The following SULF1 variants were observed in gnomAD, a reference collection of about 807,000 sequenced individuals.
SULF1 encodes the protein sulfatase 1, also known as extracellular sulfatase Sulf-1.
In SULF1, 46 loss-of-function variants were observed where a neutral mutation model predicts 110.5. The observed-to-expected ratio is 0.42, with a 90% CI of 0.33 to 0.53. SULF1 has a LOEUF of 0.53. SULF1 is among the 20% of genes least tolerant of loss of function. SULF1 has a pLI of 0.12. For synonymous variants in SULF1, 371 were observed against 387.1 expected (o/e 0.96, Z 0.49); for missense variants, 941 against 1,094.2 (o/e 0.86, Z 1.98).
intron 13 of SULF1, among the ~76,000 whole-genome samples, chr8:69,606,509 C>A (rs536063602): frequency 1.3e-5 from 2 of 152,260 alleles, no homozygotes; most frequent in East Asian, 3.9e-4. Flanking sequence ...ATATCTCATG[C>A]AAATTGGTGA....
chr8:69,592,319 T>G (rs1806965489), intron 8 of SULF1, among the ~76,000 whole-genome samples: 1 of 152,108 alleles, frequency 6.6e-6, no homozygotes, highest in African/African-American at 2.4e-5. Context: ...AGGGTGTCAG[T>G]GAGTTTGTAT....
Position 69,603,309 on chromosome 8 carries a change from G to A in SULF1, c.1179G>A (p.Lys393=), listed in dbSNP as rs1045219195. Residue 393 remains lysine, a synonymous_variant, in exon 11 of 23, where the codon AAG becomes AAA. Transcript: ENST00000402687. ...TCCTCAAACTTCTGGACCCAGAAAA[G>A]CCAGGTAACAGGTGTGTCATTGTTC... is the stretch of plus-strand genomic sequence containing the variant. The part of the protein sequence containing the change: ...KSVLKLLDPE[K]PGNRFRTNKK... 8.7e-6 allele frequency: 14 copies of A among 1,613,990 alleles called. No individual in the cohort carries two copies. Among genetic ancestry groups the A allele is most frequent in the Non-Finnish European group, 1.1e-5 (13 of 1,180,032 alleles).
intron 3 of SULF1, among the ~76,000 whole-genome samples, chr8:69,531,228 G>T (rs569859870): frequency 6.6e-6 from 1 of 152,162 alleles, no homozygotes; most frequent in African/African-American, 2.4e-5. Flanking sequence ...GTCCCTTGTT[G>T]CTTTGGAACA....
chr8:69,627,491 A>C (rs1402645136), intron 16 of SULF1, among the ~76,000 whole-genome samples, 185 bp downstream of exon 16: 1 of 152,250 alleles, frequency 6.6e-6, no homozygotes, highest in East Asian at 1.9e-4. Flanking sequence ...AACAATATAG[A>C]GTATGAGAAG....
chr8:69,612,381 C>G (rs915046806), intron 13 of SULF1, among the ~76,000 whole-genome samples: 2 of 152,148 alleles, frequency 1.3e-5, no homozygotes, highest in Non-Finnish European at 2.9e-5. Flanking sequence ...AGTAGGATTG[C>G]TGGATCGAAT....
At chr8:69,565,954 GA>G (rs1017394278) in intron 5 of SULF1, among the ~76,000 whole-genome samples, 91 of 152,050 alleles carry the variant, frequency 6.0e-4, no homozygotes, top group African/African-American at 2.0e-3. Flanking sequence ...CCCACCTGGA[GA>G]AACCCTACCT....
At chr8:69,643,986 A>T (rs927364480) in intron 22 of SULF1, among the ~76,000 whole-genome samples, 5 of 152,156 alleles carry the variant, frequency 3.3e-5, no homozygotes, top group Admixed American at 2.6e-4. Context: ...AGCCGTGGCC[A>T]TGTGTCCCGG....
At chr8:69,587,025 A>G (rs1325731681) in intron 7 of SULF1, among the ~76,000 whole-genome samples, 2 of 152,240 alleles carry the variant, frequency 1.3e-5, no homozygotes, top group Non-Finnish European at 2.9e-5. Flanking sequence ...TATCACGGCA[A>G]GCATCCACAA....
intron 2 of SULF1, among the ~76,000 whole-genome samples, chr8:69,496,258 G>A (rs67639219): frequency 0.36 from 54,174 of 152,148 alleles, 10,359 homozygotes; most frequent in East Asian, 0.73. Context: ...TTTCTGGTAC[G>A]TGAACTGTAT....
intron 3 of SULF1, among the ~76,000 whole-genome samples, chr8:69,562,213 T>G (rs543778734): frequency 6.6e-6 from 1 of 152,188 alleles, no homozygotes; most frequent in Non-Finnish European, 1.5e-5. Context: ...GCTCATAAAG[T>G]TTAAAATAAT....
intron 3 of SULF1, among the ~76,000 whole-genome samples, chr8:69,556,384 A>G (rs1815119396): frequency 6.6e-6 from 1 of 152,118 alleles, no homozygotes; most frequent in Non-Finnish European, 1.5e-5. Flanking sequence ...TCTTGAGTTT[A>G]TTCTTCCCTT....
chr8:69,486,302 T>C (rs1388481676), intron 1 of SULF1, among the ~76,000 whole-genome samples: 1 of 140,002 alleles, frequency 7.1e-6, no homozygotes, highest in East Asian at 2.2e-4. Context: ...TAGTTCTAAG[T>C]AAAGAAACCA....
rs1405867256 is a variant in SULF1 at position 69,660,626 on chromosome 8, T to A, written c.*2091T>A. 1 of 152,612 alleles carries A rather than the reference T, an allele frequency of 6.6e-6. No homozygotes were observed. Among genetic ancestry groups the A allele is most frequent in the African/African-American group, 2.4e-5 (1 of 41,432 alleles). 9.5% of individuals were successfully genotyped at this position (152,612 alleles called of 1,614,324 possible). On this transcript the variant is annotated 3_prime_UTR_variant, in exon 23 of 23. Transcript: ENST00000402687. ...TTATGGTAAACTCTTTTAAAGAAAA[T>A]TTAATATGTTATAGCTGAATCTTTT...
intron 6 of SULF1, among the ~76,000 whole-genome samples, chr8:69,583,775 G>C (rs985485972): frequency 7.9e-5 from 12 of 152,142 alleles, no homozygotes; most frequent in Non-Finnish European, 1.5e-4. Context: ...CAGTCTAGCA[G>C]GTGTTCAGCT....
chr8:69,644,618 A>T (rs906742255), intron 22 of SULF1, among the ~76,000 whole-genome samples: 1 of 151,164 alleles, frequency 6.6e-6, no homozygotes, highest in Non-Finnish European at 1.5e-5. Flanking sequence ...TACTAAAAAT[A>T]CAAAAAAAAA....
At chr8:69,619,180 GA>G (rs575976304) in intron 13 of SULF1, among the ~76,000 whole-genome samples, 2 of 152,110 alleles carry the variant, frequency 1.3e-5, no homozygotes, top group Non-Finnish European at 2.9e-5. Context: ...ATTTAAAGAA[GA>G]GTTTCTCACT....
At chr8:69,602,746 T>C (rs1469878910) in intron 10 of SULF1, among the ~76,000 whole-genome samples, 1 of 152,218 alleles carries the variant, frequency 6.6e-6, no homozygotes, top group Non-Finnish European at 1.5e-5. Context: ...ACCCTGAGAA[T>C]TGTCAGATCT....
At chr8:69,569,473 G>T (rs1198573150) in intron 5 of SULF1, among the ~76,000 whole-genome samples, 3 of 152,212 alleles carry the variant, frequency 2.0e-5, no homozygotes, top group African/African-American at 7.2e-5. Flanking sequence ...AGCTGCAGCT[G>T]CTCTCGGACA....
chr8:69,531,593 C>A (rs1813086243), intron 3 of SULF1, among the ~76,000 whole-genome samples: 1 of 152,180 alleles, frequency 6.6e-6, no homozygotes, highest in Admixed American at 6.5e-5. Context: ...CTTAACCAGT[C>A]AATACATTTG....
Sources: gnomAD v4.1 joint callset for allele counts (sites outside exome capture counted in the v4.1 genomes callset) on GRCh38, gnomAD v4.1.1 for gene constraint, MANE v1.5 for transcripts, NCBI Gene and HGNC (gene_info 2026-07-23, HGNC 2026-07-21) for gene names.